The following LINGO2 variants were observed in gnomAD, a reference collection of about 807,000 sequenced individuals.
The protein encoded by LINGO2 is leucine-rich repeat and immunoglobulin-like domain-containing nogo receptor-interacting protein 2.
A neutral mutation model predicts 30.6 loss-of-function variants in LINGO2; 14 were observed. The ratio of observed to expected loss-of-function variants is 0.46; its 90% CI spans 0.30 to 0.72. The LOEUF (loss-of-function observed/expected upper bound fraction) is 0.72, where lower values mean the gene tolerates loss of function less well. LINGO2 is among the 30% of genes least tolerant of loss of function. The pLI is 0.07. For synonymous variants in LINGO2, 317 were observed against 288.5 expected (o/e 1.10, Z -1.00); for missense variants, 729 against 751.7 (o/e 0.97, Z 0.35).
intron 5 of LINGO2, among the ~76,000 whole-genome samples, chr9:28,008,453 C>T (rs549949621): frequency 1.3e-5 from 2 of 150,290 alleles, no homozygotes; most frequent in Admixed American, 6.8e-5. Context: ...TTCACCATTG[C>T]ACTGAAGATT....
chr9:28,544,362 G>A (rs1933281568), intron 1 of LINGO2, among the ~76,000 whole-genome samples: 1 of 152,050 alleles, frequency 6.6e-6, no homozygotes, highest in South Asian at 2.1e-4. Context: ...TACCTGTAAT[G>A]CAGTGACAGC....
At chr9:28,770,697 T>C in the LINGO2 span, among the ~76,000 whole-genome samples, 1 of 152,190 alleles carries the variant, frequency 6.6e-6, no homozygotes, top group Admixed American at 6.5e-5. Context: ...GATATACTGC[T>C]ATAAGTTATA....
rs1256238115 is a variant in LINGO2 at position 28,147,414 on chromosome 9, C to T, written c.-86-135009G>A. ...CGCATCCAGTCAGGTCAGGGCACCG[C>T]GTTCTCTCTTTGGAAACCTGTGGAG... is the stretch of plus-strand genomic sequence containing the variant. On this transcript the variant is annotated intron_variant, in intron 4 of 5. Coordinates refer to ENST00000379992, the Ensembl canonical transcript of LINGO2. The surrounding 1 kb of genome is among the most constrained non-coding windows in gnomAD (Gnocchi z 4.7). Among the ~76,000 whole-genome samples, 2 of 152,196 alleles carry T rather than the reference C, an allele frequency of 1.3e-5. No individual in the cohort carries two copies. Among genetic ancestry groups the T allele is most frequent in the African/African-American group, 4.8e-5 (2 of 41,460 alleles).
At chr9:29,071,152 A>G in the LINGO2 span, among the ~76,000 whole-genome samples, 1 of 99,328 alleles carries the variant, frequency 1.0e-5, no homozygotes, top group Non-Finnish European at 2.0e-5. Flanking sequence ...CATCACAGAG[A>G]ATTATTGTAT....
At chr9:28,292,620 G>A (rs1445258927) in intron 4 of LINGO2, among the ~76,000 whole-genome samples, 1 of 151,716 alleles carries the variant, frequency 6.6e-6, no homozygotes, top group East Asian at 1.9e-4. Context: ...CTGCTACCAT[G>A]CACAGCTAAT....
chr9:28,067,070 T>A (rs534640169), intron 4 of LINGO2, among the ~76,000 whole-genome samples: 15 of 152,258 alleles, frequency 9.9e-5, no homozygotes, highest in African/African-American at 2.9e-4. Context: ...ATATGGAATA[T>A]GAACTCTGGT....
At chr9:29,137,520 C>G in the LINGO2 span, among the ~76,000 whole-genome samples, 1 of 152,272 alleles carries the variant, frequency 6.6e-6, no homozygotes, top group East Asian at 1.9e-4. Flanking sequence ...ACTTCAGCCA[C>G]AGGGTCCAAA....
chr9:28,830,060 C>G, the LINGO2 span, among the ~76,000 whole-genome samples: 11 of 152,046 alleles, frequency 7.2e-5, no homozygotes, highest in Admixed American at 3.3e-4. Context: ...CTGTAAAATC[C>G]AAGATAAAAA....
At chr9:28,205,185 A>T (rs192638842) in intron 4 of LINGO2, among the ~76,000 whole-genome samples, 17 of 152,356 alleles carry the variant, frequency 1.1e-4, no homozygotes, top group African/African-American at 3.1e-4. Context: ...TATCTGTGAC[A>T]TGAAGAAATA....
chr9:28,330,123 G>T (rs1306207539), intron 3 of LINGO2, among the ~76,000 whole-genome samples: 1 of 151,862 alleles, frequency 6.6e-6, no homozygotes, highest in Non-Finnish European at 1.5e-5. Flanking sequence ...AGGAGAGAAT[G>T]CTCTCTCTCT....
chr9:28,787,923 ATG>A, the LINGO2 span, among the ~76,000 whole-genome samples: 2 of 152,170 alleles, frequency 1.3e-5, no homozygotes, highest in African/African-American at 4.8e-5. Context: ...CAGCAAAGTC[ATG>A]TTCTCCTTAG....
the LINGO2 span, among the ~76,000 whole-genome samples, chr9:29,059,336 A>G: frequency 6.6e-6 from 1 of 151,606 alleles, no homozygotes; most frequent in East Asian, 1.9e-4. Flanking sequence ...AAATTATTAT[A>G]CATTGCACCC....
intron 1 of LINGO2, among the ~76,000 whole-genome samples, chr9:28,638,157 C>G (rs1298910334): frequency 6.6e-6 from 1 of 152,124 alleles, no homozygotes; most frequent in Non-Finnish European, 1.5e-5. Context: ...AGCCTTGCAT[C>G]CCAGGGATGA....
chr9:28,846,284 T>A, the LINGO2 span, among the ~76,000 whole-genome samples: 2 of 151,770 alleles, frequency 1.3e-5, no homozygotes, highest in Non-Finnish European at 2.9e-5. Context: ...GCCTCTTGCC[T>A]CAAGTTGCAG....
intron 1 of LINGO2, among the ~76,000 whole-genome samples, chr9:28,527,212 G>T (rs1821070672): frequency 6.6e-6 from 1 of 152,130 alleles, no homozygotes. Flanking sequence ...TTAAATAAAT[G>T]CAGAGCTGAA....
chr9:28,501,406 A>C (rs949068724), intron 1 of LINGO2, among the ~76,000 whole-genome samples: 1 of 152,198 alleles, frequency 6.6e-6, no homozygotes, highest in Non-Finnish European at 1.5e-5. Context: ...ACGATGAAGA[A>C]ATTTAAACTA....
At chr9:28,353,896 C>T (rs1411444754) in intron 3 of LINGO2, among the ~76,000 whole-genome samples, 1 of 151,996 alleles carries the variant, frequency 6.6e-6, no homozygotes, top group East Asian at 1.9e-4. Context: ...AGTAAACTAT[C>T]GCAAGAACAA....
In LINGO2 at chr9:28,129,362, T is replaced by C. The variant is rs951821539; in HGVS notation, c.-86-116957A>G. Among the ~76,000 whole-genome samples, 1 of 152,240 alleles carries C rather than the reference T, an allele frequency of 6.6e-6. No homozygotes were observed. Among genetic ancestry groups the C allele is most frequent in the African/African-American group, 2.4e-5 (1 of 41,466 alleles). ...TGGTTCTTGTTTTGTTGTGTAACTG[T>C]GTACTTCCATAGCTCCTGAGAAGCT... is the stretch of plus-strand genomic sequence containing the variant. On this transcript the variant is annotated intron_variant, in intron 4 of 5. Coordinates refer to ENST00000379992, the Ensembl canonical transcript of LINGO2. This position sits in a 1 kb window ranked among gnomAD's most constrained non-coding sequence, Gnocchi z 4.0.
chr9:28,740,092 C>G, the LINGO2 span, among the ~76,000 whole-genome samples: 11 of 150,262 alleles, frequency 7.3e-5, no homozygotes, highest in South Asian at 2.1e-4. Context: ...TCCACTGCCC[C>G]CAGAAAAATA....
Sources: allele counts gnomAD v4.1 joint callset (sites outside exome capture counted in the v4.1 genomes callset), GRCh38; gene constraint gnomAD v4.1.1; non-coding constraint Gnocchi (gnomAD v3.1); transcripts MANE v1.5; gene names NCBI Gene and HGNC (gene_info 2026-07-23, HGNC 2026-07-21).